The following PCDH15 variants were observed in gnomAD, a reference collection of about 807,000 sequenced individuals.
PCDH15 encodes protocadherin-15.
Under a neutral mutation model 178.5 loss-of-function variants are expected in PCDH15, and 129 were observed. The ratio of observed to expected loss-of-function variants is 0.72; its 90% CI spans 0.63 to 0.84. The LOEUF is 0.84. PCDH15 is among the 40% of genes least tolerant of loss of function. The pLI, the probability that PCDH15 is intolerant of heterozygous loss-of-function variation, is 0.00. For synonymous variants in PCDH15, 800 were observed against 732.0 expected, an observed-to-expected ratio of 1.09 and a Z score of -1.50; for missense variants, 2,230 against 2,099.9, an observed-to-expected ratio of 1.06 and a Z score of -1.21.
intron 26 of PCDH15, among the ~76,000 whole-genome samples, chr10:53,879,154 A>G (rs1414355476): frequency 6.6e-6 from 1 of 151,608 alleles, no homozygotes; most frequent in Non-Finnish European, 1.5e-5. Context: ...CACTTTCTGC[A>G]TCGTGTCACT....
At chr10:54,115,354 G>A (rs377639635) in intron 15 of PCDH15, among the ~76,000 whole-genome samples, 4 of 152,256 alleles carry the variant, frequency 2.6e-5, no homozygotes, top group African/African-American at 9.6e-5. Context: ...TTGAGCATGG[G>A]AAATACTAAT....
At chr10:53,891,096 T>C (rs2081525655) in intron 26 of PCDH15, among the ~76,000 whole-genome samples, 2 of 151,902 alleles carry the variant, frequency 1.3e-5, no homozygotes, top group African/African-American at 4.8e-5. Context: ...CCTCATTTTT[T>C]CCCCTTATAT....
chr10:54,887,159 A>C (rs1251702165), intron 3 of PCDH15, among the ~76,000 whole-genome samples: 5 of 152,176 alleles, frequency 3.3e-5, no homozygotes, highest in Admixed American at 3.3e-4. Context: ...CTTCCTTTGC[A>C]CTTCTGGATT....
At chr10:53,995,488 T>C in intron 21 of PCDH15, 161 bp downstream of exon 21, 1 of 1,313,920 alleles carries the variant, frequency 7.6e-7, no homozygotes, top group Non-Finnish European at 1.1e-6. Flanking sequence ...TGAAATATGC[T>C]CTGTACCTGT....
chr10:55,203,925 T>C (rs1281206785), intron 1 of PCDH15, among the ~76,000 whole-genome samples: 1 of 151,884 alleles, frequency 6.6e-6, no homozygotes, highest in Non-Finnish European at 1.5e-5. Flanking sequence ...ATGCAATACA[T>C]TTCAGCTGGG....
At chr10:54,194,650 CT>C (rs2049394226) in intron 11 of PCDH15, among the ~76,000 whole-genome samples, 1 of 147,884 alleles carries the variant, frequency 6.8e-6, no homozygotes, top group African/African-American at 2.5e-5. Context: ...GTGTATATAT[CT>C]CTATCTATCT....
intron 1 of PCDH15, among the ~76,000 whole-genome samples, chr10:55,215,420 T>A (rs186653318): frequency 6.6e-6 from 1 of 152,198 alleles, no homozygotes. Context: ...ATGAATCCAG[T>A]TACCTTATCA....
chr10:53,870,274 G>T (rs1438957454), intron 26 of PCDH15, among the ~76,000 whole-genome samples: 1 of 151,994 alleles, frequency 6.6e-6, no homozygotes, highest in Non-Finnish European at 1.5e-5. Context: ...GTTTGGGTGT[G>T]GAACTAGACA....
At chr10:55,441,718 T>C (rs1839190786) in intron 2 of PCDH15, among the ~76,000 whole-genome samples, 1 of 152,164 alleles carries the variant, frequency 6.6e-6, no homozygotes, top group South Asian at 2.1e-4. Flanking sequence ...ATAGAGTGAA[T>C]GGTGGCTCAA....
At chr10:55,612,381 T>C (rs929306243) in intron 2 of PCDH15, among the ~76,000 whole-genome samples, 5 of 152,106 alleles carry the variant, frequency 3.3e-5, no homozygotes, top group African/African-American at 1.2e-4. Flanking sequence ...TTTTCTATTA[T>C]GCCAAAGTGT....
intron 1 of PCDH15, among the ~76,000 whole-genome samples, chr10:55,218,157 G>T (rs1840761728): frequency 6.6e-6 from 1 of 151,916 alleles, no homozygotes; most frequent in African/African-American, 2.4e-5. Context: ...TTTTGCACAT[G>T]AGAAAGTGAA....
At chr10:54,756,056 AACACACACAC>A (rs71014414) in intron 1 of PCDH15, among the ~76,000 whole-genome samples, 21 of 71,736 alleles carry the variant, frequency 2.9e-4, no homozygotes, top group Admixed American at 7.7e-4. Context: ...CTCTACTAAA[AACACACACAC>A]ACACACACAC....
chr10:53,952,470 G>A (rs1354218452), intron 23 of PCDH15, among the ~76,000 whole-genome samples: 1 of 152,188 alleles, frequency 6.6e-6, no homozygotes, highest in East Asian at 1.9e-4. Flanking sequence ...GTCTGGTTGA[G>A]ACTGGGGTTT....
chr10:55,540,000 C>T (rs77488319), intron 2 of PCDH15, among the ~76,000 whole-genome samples: 7,032 of 152,026 alleles, frequency 0.046, 421 homozygotes, highest in East Asian at 0.31. Context: ...AGATAATATA[C>T]CTATGTAATT....
chr10:55,499,284 A>T (rs922973341), intron 2 of PCDH15, among the ~76,000 whole-genome samples: 19 of 151,944 alleles, frequency 1.3e-4, no homozygotes, highest in African/African-American at 4.6e-4. Flanking sequence ...TACAATTTTC[A>T]TATGATCTTT....
intron 3 of PCDH15, among the ~76,000 whole-genome samples, chr10:54,877,836 A>T (rs1043118239): frequency 1.3e-5 from 2 of 151,714 alleles, no homozygotes; most frequent in Non-Finnish European, 2.9e-5. Flanking sequence ...TCTAAGCATT[A>T]TATAAGAAGC....
chr10:54,351,388 A>G (rs1944157955), intron 5 of PCDH15, among the ~76,000 whole-genome samples: 1 of 152,182 alleles, frequency 6.6e-6, no homozygotes, highest in Admixed American at 6.5e-5. Flanking sequence ...GTCCCTCTTG[A>G]CAGCCTATTT....
chr10:55,080,688 C>T (rs756968897), intron 2 of PCDH15, among the ~76,000 whole-genome samples: 1 of 152,088 alleles, frequency 6.6e-6, no homozygotes, highest in Non-Finnish European at 1.5e-5. Context: ...AGATCATCAC[C>T]CACAGTCCCA....
intron 1 of PCDH15, among the ~76,000 whole-genome samples, chr10:55,175,139 A>C (rs1328469868): frequency 6.6e-6 from 1 of 152,204 alleles, no homozygotes; most frequent in African/African-American, 2.4e-5. Flanking sequence ...ACCCCAAAGA[A>C]GACACAGGAG....
Sources: allele counts gnomAD v4.1 joint callset (sites outside exome capture counted in the v4.1 genomes callset), GRCh38; gene constraint gnomAD v4.1.1; transcripts MANE v1.5; gene names NCBI Gene and HGNC (gene_info 2026-07-23, HGNC 2026-07-21).